CFAP299: variants seen among roughly 807,000 people sequenced by gnomAD.
CFAP299 encodes cilia and flagella associated protein 299, also known as cilia- and flagella-associated protein 299.
CFAP299 carries 21 observed loss-of-function variants against 27.0 expected under a neutral mutation model. That is an observed-to-expected ratio of 0.78 (90% CI 0.55 to 1.12). The LOEUF (loss-of-function observed/expected upper bound fraction) is 1.12, where lower values mean the gene tolerates loss of function less well. Among genes scored for constraint, CFAP299 ranks in the 50% most tolerant of loss-of-function variants. The pLI, the probability that CFAP299 is intolerant of heterozygous loss-of-function variation, is 0.00. For missense variants in CFAP299, 310 were observed against 276.6 expected (o/e 1.12, Z -0.86); for synonymous variants, 104 against 98.1 (o/e 1.06, Z -0.36).
chr4:80,781,419 AT>A (rs1188268092), intron 3 of CFAP299, among the ~76,000 whole-genome samples: 1 of 152,078 alleles, frequency 6.6e-6, no homozygotes, highest in Non-Finnish European at 1.5e-5. Context: ...AAACACCTAT[AT>A]TTTGTATAAT....
chr4:80,660,805 T>C (rs1277009157), intron 3 of CFAP299, among the ~76,000 whole-genome samples: 1 of 152,168 alleles, frequency 6.6e-6, no homozygotes, highest in Non-Finnish European at 1.5e-5. Flanking sequence ...TAAATTATTG[T>C]AGCAGCCATC....
At chr4:80,933,242 C>G (rs1378493086) in intron 4 of CFAP299, among the ~76,000 whole-genome samples, 1 of 151,562 alleles carries the variant, frequency 6.6e-6, no homozygotes, top group East Asian at 1.9e-4. Flanking sequence ...CATAAGCCAT[C>G]ATATTACACA....
At chr4:80,674,837 A>T (rs565457559) in intron 3 of CFAP299, among the ~76,000 whole-genome samples, 1 of 152,174 alleles carries the variant, frequency 6.6e-6, no homozygotes, top group Non-Finnish European at 1.5e-5. Context: ...TTATGCATGC[A>T]TCACGTAGTT....
intron 3 of CFAP299, among the ~76,000 whole-genome samples, chr4:80,725,705 A>C (rs1377118395): frequency 1.3e-5 from 2 of 152,180 alleles, no homozygotes; most frequent in East Asian, 3.9e-4. Flanking sequence ...CTAGTAGAAA[A>C]AGGTGCTGGG....
chr4:80,391,034 T>C (rs1311354199), intron 2 of CFAP299, among the ~76,000 whole-genome samples: 1 of 124,024 alleles, frequency 8.1e-6, no homozygotes, highest in Non-Finnish European at 1.8e-5. Flanking sequence ...TATATATGTA[T>C]ACACACACAC....
intron 2 of CFAP299, among the ~76,000 whole-genome samples, chr4:80,397,098 T>C (rs1398925234): frequency 1.2e-5 from 1 of 84,598 alleles, no homozygotes; most frequent in Non-Finnish European, 3.0e-5. Context: ...TTCTTCCTGG[T>C]TTAGTCTTGG....
chr4:80,759,680 G>T (rs923257048), intron 3 of CFAP299, among the ~76,000 whole-genome samples: 3 of 152,108 alleles, frequency 2.0e-5, no homozygotes, highest in African/African-American at 7.2e-5. Context: ...TGTTGTTAGA[G>T]TATAGGCCAG....
At chr4:80,643,069 G>T (rs535358474) in intron 3 of CFAP299, among the ~76,000 whole-genome samples, 1 of 152,212 alleles carries the variant, frequency 6.6e-6, no homozygotes, top group East Asian at 1.9e-4. Context: ...GGCCGAGAAA[G>T]GAGGATCGCT....
In CFAP299 at chr4:80,949,972, T is replaced by C. The variant is rs2868080; in HGVS notation, c.606+5033T>C. On this transcript the variant is annotated intron_variant, in intron 5 of 5. Coordinates refer to ENST00000358105, the MANE Select transcript of CFAP299 (RefSeq NM_152770.3). ...GAATAACAGTAACCCAGGTGAAAAG[T>C]AAAAAGGACTGGAAGTAGAGGTCCT... 8.9e-3 allele frequency among the ~76,000 whole-genome samples: 1,356 copies of C among 152,206 alleles called. 17 individuals carry two copies. The highest frequency in any genetic ancestry group is 0.03 in the African/African-American group (1,260 of 41,530).
chr4:80,905,937 C>T (rs1021562875), intron 4 of CFAP299, among the ~76,000 whole-genome samples: 6 of 152,278 alleles, frequency 3.9e-5, no homozygotes, highest in African/African-American at 1.4e-4. Flanking sequence ...CATGTTCTCA[C>T]ATTTCAAAAC....
intron 2 of CFAP299, among the ~76,000 whole-genome samples, chr4:80,511,584 T>G (rs1732305162): frequency 6.6e-6 from 1 of 152,112 alleles, no homozygotes; most frequent in Non-Finnish European, 1.5e-5. Context: ...AAGTCAGTAG[T>G]TACTAACAAT....
At chr4:80,333,982 C>T (rs146458041), upstream of CFAP299, among the ~76,000 whole-genome samples, 8 of 152,254 alleles carry the variant, frequency 5.3e-5, no homozygotes, top group East Asian at 3.9e-4. Flanking sequence ...TTGAGTTATA[C>T]GCACTATTAA....
chr4:80,656,880 A>G (rs1740584680), intron 3 of CFAP299, among the ~76,000 whole-genome samples: 1 of 152,142 alleles, frequency 6.6e-6, no homozygotes, highest in Admixed American at 6.6e-5. Context: ...CATCCTTTCC[A>G]GCATCAGTTG....
intron 3 of CFAP299, among the ~76,000 whole-genome samples, chr4:80,649,928 G>C (rs1365763887): frequency 6.6e-6 from 1 of 151,996 alleles, no homozygotes; most frequent in East Asian, 1.9e-4. Context: ...TGTTCTTAAA[G>C]TGGACATTCA....
chr4:80,906,247 T>C (rs1390857163), intron 4 of CFAP299, among the ~76,000 whole-genome samples: 1 of 152,234 alleles, frequency 6.6e-6, no homozygotes, highest in Non-Finnish European at 1.5e-5. Flanking sequence ...TGACTCCATG[T>C]CTCACACCCA....
At chr4:80,476,570 T>G (rs1318985526) in intron 2 of CFAP299, among the ~76,000 whole-genome samples, 2 of 152,122 alleles carry the variant, frequency 1.3e-5, no homozygotes, top group African/African-American at 2.4e-5. Context: ...TCAGATAAGA[T>G]TTCTTTCTGC....
In CFAP299 at chr4:80,916,342, A is replaced by T. The variant is rs557106733; in HGVS notation, c.477-28468A>T. On this transcript the variant is annotated intron_variant, in intron 4 of 5. Coordinates refer to ENST00000358105, the MANE Select transcript of CFAP299 (RefSeq NM_152770.3). Reference sequence around the variant, plus strand: ...TCCTCCATCTTTGTATGTACAGTATATTAATTGCATACTGGGCATTGTGGA... The same window carrying T: ...TCCTCCATCTTTGTATGTACAGTATTTTAATTGCATACTGGGCATTGTGGA... Among the ~76,000 whole-genome samples, 1,323 of 142,770 alleles carry T rather than the reference A, an allele frequency of 9.3e-3. 23 individuals are homozygous for T. The highest frequency in any genetic ancestry group is 0.033 in the African/African-American group (1,296 of 38,850). 93.7% of individuals were successfully genotyped at this position (142,770 alleles called of 152,430 possible).
intron 3 of CFAP299, among the ~76,000 whole-genome samples, chr4:80,810,152 AG>A (rs1252413264): frequency 1.3e-5 from 2 of 152,176 alleles, no homozygotes; most frequent in East Asian, 3.9e-4. Flanking sequence ...TTTCTTACAA[AG>A]GTGTATTGTC....
chr4:80,890,148 G>T (rs1734189662), intron 4 of CFAP299, among the ~76,000 whole-genome samples: 1 of 152,098 alleles, frequency 6.6e-6, no homozygotes, highest in Non-Finnish European at 1.5e-5. Context: ...ACAGGAGGAA[G>T]AAATAGAGGG....
Sources: gnomAD v4.1 joint callset for allele counts (sites outside exome capture counted in the v4.1 genomes callset) on GRCh38, gnomAD v4.1.1 for gene constraint, MANE v1.5 for transcripts, NCBI Gene and HGNC (gene_info 2026-07-23, HGNC 2026-07-21) for gene names.